The following LARGE1 variants were observed in gnomAD, a reference collection of about 807,000 sequenced individuals.
LARGE1 encodes xylosyl- and glucuronyltransferase LARGE1.
A neutral mutation model predicts 87.6 loss-of-function variants in LARGE1; 43 were observed. The ratio of observed to expected loss-of-function variants is 0.49; its 90% CI spans 0.38 to 0.63. LARGE1 has a LOEUF of 0.63. Among genes scored for constraint, LARGE1 ranks in the 30% least tolerant of loss-of-function variants. The pLI is 0.00. For synonymous variants in LARGE1, 434 were observed against 394.6 expected (o/e 1.10, Z -1.18); for missense variants, 802 against 1,000.2 (o/e 0.80, Z 2.67).
chr22:33,520,401 C>T (rs544925842), intron 6 of LARGE1, among the ~76,000 whole-genome samples: 1 of 152,142 alleles, frequency 6.6e-6, no homozygotes, highest in African/African-American at 2.4e-5. Flanking sequence ...CCATCCTGTA[C>T]CTGAGATTCA....
At chr22:33,459,441 CTTTTTT>C (rs3071562) in intron 6 of LARGE1, among the ~76,000 whole-genome samples, 1 of 128,348 alleles carries the variant, frequency 7.8e-6, no homozygotes, top group Non-Finnish European at 1.6e-5. Flanking sequence ...CGCTCTCTCT[CTTTTTT>C]TTTTTTTTTT....
chr22:33,696,263 CTTTTTT>C (rs150714476), intron 2 of LARGE1, among the ~76,000 whole-genome samples: 1 of 61,652 alleles, frequency 1.6e-5, no homozygotes. Flanking sequence ...TTCTTTCTTT[CTTTTTT>C]TTTTTTTTTT....
At position 33,363,272 on chromosome 22, in the gene LARGE1, T is replaced by C. The variant is rs568424433; in HGVS notation, c.1131+18647A>G. On this transcript the variant is annotated intron_variant, in intron 9 of 14. Transcript: ENST00000397394. ...CGTTTTCACGCTGCTGATAAAGACATACCCAAGACTGGGTAATTTATAAAG... is the reference window on the plus strand; with the variant it reads ...CGTTTTCACGCTGCTGATAAAGACACACCCAAGACTGGGTAATTTATAAAG... Among the ~76,000 whole-genome samples the C allele has an allele frequency of 9.2e-4, 138 of 149,946 alleles. 6 individuals carry two copies. Among genetic ancestry groups the C allele is most frequent in the African/African-American group, 3.3e-3 (134 of 40,822 alleles).
At chr22:33,642,231 CA>C (rs1569335565) in intron 3 of LARGE1, among the ~76,000 whole-genome samples, 2 of 152,306 alleles carry the variant, frequency 1.3e-5, no homozygotes, top group East Asian at 3.9e-4. Context: ...CAATATTCAA[CA>C]TTCTTAAAGA....
At chr22:33,552,275 G>A (rs1461085373) in intron 6 of LARGE1, among the ~76,000 whole-genome samples, 1 of 152,092 alleles carries the variant, frequency 6.6e-6, no homozygotes, top group Admixed American at 6.6e-5. Context: ...ATTTCTTCCT[G>A]ATATTCTCAA....
intron 2 of LARGE1, among the ~76,000 whole-genome samples, chr22:33,722,911 G>A (rs2083151646): frequency 6.6e-6 from 1 of 152,176 alleles, no homozygotes; most frequent in Non-Finnish European, 1.5e-5. Flanking sequence ...CGGAGCTTGG[G>A]GGTGAGCTGT....
intron 10 of LARGE1, 46 bp downstream of exon 10, chr22:33,337,600 A>T: frequency 1.2e-6 from 2 of 1,609,802 alleles, no homozygotes; most frequent in Non-Finnish European, 1.7e-6. Context: ...TTGATGGATG[A>T]GCAGAGAAGC....
chr22:33,916,067 G>C (rs2065777735), intron 1 of LARGE1, among the ~76,000 whole-genome samples: 1 of 152,154 alleles, frequency 6.6e-6, no homozygotes, highest in African/African-American at 2.4e-5. Context: ...TGGATCACAA[G>C]GTCAGGAGTT....
At chr22:33,423,184 C>T (rs2066756241) in intron 7 of LARGE1, among the ~76,000 whole-genome samples, 1 of 152,142 alleles carries the variant, frequency 6.6e-6, no homozygotes, top group South Asian at 2.1e-4. Context: ...TGTATCAGTA[C>T]CATTCAGCAC....
In LARGE1 at chr22:33,388,971, G is replaced by A. The variant is rs114271682; in HGVS notation, c.893-4667C>T. ...TTTTGTGGAAACACACATAAGACAC[G>A]TACATCATTAGGATTCAATGTGATG... On this transcript the variant is annotated intron_variant, in intron 7 of 14. Transcript: ENST00000397394. Among the ~76,000 whole-genome samples, 600 of 152,300 alleles carry A rather than the reference G, an allele frequency of 3.9e-3. 2 individuals carry two copies. Among genetic ancestry groups the A allele is most frequent in the African/African-American group, 0.014 (579 of 41,552 alleles).
chr22:33,762,197 G>A (rs1398207161), intron 1 of LARGE1, among the ~76,000 whole-genome samples: 2 of 119,372 alleles, frequency 1.7e-5, no homozygotes. Flanking sequence ...CAGGGAGACA[G>A]AGCGAGATTC....
intron 2 of LARGE1, among the ~76,000 whole-genome samples, chr22:33,692,072 T>C (rs943791118): frequency 1.3e-5 from 2 of 152,060 alleles, no homozygotes; most frequent in Admixed American, 1.3e-4. Flanking sequence ...AAATTATAAA[T>C]TATAATTAAA....
intron 10 of LARGE1, among the ~76,000 whole-genome samples, chr22:33,319,841 T>A (rs1403374852): frequency 6.6e-6 from 1 of 152,186 alleles, no homozygotes; most frequent in African/African-American, 2.4e-5. Context: ...CCCGAGCTCC[T>A]GCCCACCAAA....
the LARGE1 span, among the ~76,000 whole-genome samples, chr22:33,120,805 C>T: frequency 6.6e-6 from 1 of 152,028 alleles, no homozygotes; most frequent in Non-Finnish European, 1.5e-5. Flanking sequence ...GCTTGATCCA[C>T]CATGCCCAAC....
rs535141072 is a variant in LARGE1, at chr22:33,520,176, C to G, written c.787+44672G>C. On this transcript the variant is annotated intron_variant, in intron 6 of 14. Transcript: ENST00000397394. ...TGTGCTGCCACGCCTGGCTAATTTT[C>G]TACTTTTTGTATCGCTCAGCCTCCT... 2.0e-5 allele frequency among the ~76,000 whole-genome samples: 3 copies of G among 151,810 alleles called. No individual in the cohort carries two copies. The East Asian group carries it at 5.8e-4, about 30-fold the overall frequency.
At chr22:33,859,530 G>A (rs1421759699) in intron 1 of LARGE1, among the ~76,000 whole-genome samples, 1 of 152,200 alleles carries the variant, frequency 6.6e-6, no homozygotes, top group African/African-American at 2.4e-5. Flanking sequence ...GCAGTTTCAG[G>A]CTTAACAAAG....
Position 33,858,152 on chromosome 22 carries a change from G to C in LARGE1, c.-83+61843C>G, listed in dbSNP as rs370060168. 5.9e-5 allele frequency among the ~76,000 whole-genome samples: 9 copies of C among 152,212 alleles called. No homozygotes were observed. The East Asian group carries it at 1.2e-3, about 20-fold the overall frequency. On this transcript the variant is annotated intron_variant, in intron 1 of 14. Transcript: ENST00000397394. Reference sequence around the variant, plus strand: ...GTTCAACTCGATTAGGATGAACCCAGGCACGTAGCTGTGCAGGAACAACGG... The same window carrying C: ...GTTCAACTCGATTAGGATGAACCCACGCACGTAGCTGTGCAGGAACAACGG...
At chr22:33,922,099 G>A (rs891393648), upstream of LARGE1, among the ~76,000 whole-genome samples, 1 of 152,116 alleles carries the variant, frequency 6.6e-6, no homozygotes, top group Non-Finnish European at 1.5e-5. Context: ...GGGCCGCCGG[G>A]TCTTTGCCTT....
At chr22:33,176,342 G>T (rs961126646) in intron 11 of LARGE1, among the ~76,000 whole-genome samples, 28 of 152,212 alleles carry the variant, frequency 1.8e-4, no homozygotes, top group African/African-American at 6.7e-4. Flanking sequence ...CACAGCAAAA[G>T]AAACTATCAC....
Sources: allele counts gnomAD v4.1 joint callset (sites outside exome capture counted in the v4.1 genomes callset), GRCh38; gene constraint gnomAD v4.1.1; transcripts MANE v1.5; gene names NCBI Gene and HGNC (gene_info 2026-07-23, HGNC 2026-07-21).